LANCL2: variants seen among roughly 807,000 people sequenced by gnomAD.
The protein encoded by LANCL2 is LanC like glutathione S-transferase 2.
Under a neutral mutation model 56.9 loss-of-function variants are expected in LANCL2, and 33 were observed. The ratio of observed to expected loss-of-function variants is 0.58; its 90% CI spans 0.44 to 0.78. The LOEUF (loss-of-function observed/expected upper bound fraction) is 0.78, where lower values mean the gene tolerates loss of function less well. Ranked by LOEUF, LANCL2 falls within the 30% of genes least tolerant of loss-of-function variation. The pLI is 0.00. For synonymous variants in LANCL2, 233 were observed against 228.2 expected, an observed-to-expected ratio of 1.02 and a Z score of -0.19; for missense variants, 562 against 580.2, an observed-to-expected ratio of 0.97 and a Z score of 0.32.
At position 55,378,122 on chromosome 7, in the gene LANCL2, T is replaced by C. The variant is rs1790023806; in HGVS notation, c.204+11893T>C. Among the ~76,000 whole-genome samples the C allele has an allele frequency of 2.0e-5, 3 of 152,228 alleles. No individual in the cohort carries two copies. In the South Asian group the frequency reaches 6.2e-4, roughly 31 times the overall value. ...TAATTGAAATACGTAAAGCACTTAGTGCCAGGTACATAGTAAGTGCTCAGT... is the reference window on the plus strand; with the variant it reads ...TAATTGAAATACGTAAAGCACTTAGCGCCAGGTACATAGTAAGTGCTCAGT... On this transcript the variant is annotated intron_variant, in intron 1 of 8. Transcript: ENST00000254770.
chr7:55,392,059 G>A lies in LANCL2; in HGVS notation c.322+149G>A, dbSNP rs150787563. On this transcript the variant is annotated intron_variant, in intron 2 of 8. Coordinates refer to ENST00000254770, the MANE Select transcript of LANCL2 (RefSeq NM_018697.4). ...TGTAATCCCAGCACATTTGGAGGCC[G>A]AGGCAGGTGGATCACCTGAGCTTAG... is the stretch of plus-strand genomic sequence containing the variant. 7.8e-4 allele frequency: 369 copies of A among 474,836 alleles called. 1 individual carries two copies. The highest frequency in any genetic ancestry group is 5.2e-3 in the African/African-American group (272 of 51,956). 29.4% of individuals were successfully genotyped at this position (474,836 alleles called of 1,614,324 possible).
chr7:55,382,995 G>A (rs1423245770), intron 1 of LANCL2, among the ~76,000 whole-genome samples: 4 of 152,170 alleles, frequency 2.6e-5, no homozygotes, highest in Non-Finnish European at 5.9e-5. Context: ...GGTGGCTCAC[G>A]CCTGTAATCC....
chr7:55,375,652 TAAAATGAAGTCAG>T, intron 1 of LANCL2, among the ~76,000 whole-genome samples: 1 of 152,370 alleles, frequency 6.6e-6, no homozygotes, highest in South Asian at 2.1e-4. Flanking sequence ...TTATCATCTT[TAAAATGAAGTCAG>T]AAGTCCAGGT....
At chr7:55,421,430 C>T (rs1234931759) in intron 6 of LANCL2, among the ~76,000 whole-genome samples, 3 of 151,448 alleles carry the variant, frequency 2.0e-5, no homozygotes, top group Non-Finnish European at 4.4e-5. Context: ...CCTCCGCCTC[C>T]TGGGTTCAAG....
chr7:55,374,171 A>G (rs1789975616), intron 1 of LANCL2, among the ~76,000 whole-genome samples: 1 of 151,758 alleles, frequency 6.6e-6, no homozygotes, highest in Admixed American at 6.5e-5. Context: ...TTGTCACTTA[A>G]CAGTTTGTCC....
Position 55,366,137 on chromosome 7 carries a change from C to G in LANCL2, c.112C>G (p.Leu38Val), listed in dbSNP as rs1488491495. 10 of 1,548,684 alleles carry G rather than the reference C, an allele frequency of 6.5e-6. No homozygotes were observed. Among genetic ancestry groups the G allele is most frequent in the East Asian group, 2.4e-5 (1 of 41,020 alleles). The change falls in exon 1 of 9, where the codon CTG (leucine) becomes GTG (valine). Residue 38 changes from leucine (L) to valine (V), a missense_variant. Coordinates refer to ENST00000254770, the MANE Select transcript of LANCL2 (RefSeq NM_018697.4). ...FPDYEAAAGA[L>V]LASGAAEETG... ...GGACTACGAGGCCGCCGCCGGGGCG[C>G]TGCTCGCCTCCGGAGCGGCCGAAGA...
chr7:55,433,167 C>G lies in LANCL2; in HGVS notation c.*1847C>G, dbSNP rs1202589686. 6.6e-6 allele frequency: 1 copy of G among 152,344 alleles called. No individual in the cohort carries two copies. The highest frequency in any genetic ancestry group is 1.5e-5 in the Non-Finnish European group (1 of 68,096). The allele number at this position is 152,344 out of a possible 1,614,324, so 9.4% of individuals were successfully genotyped here. A position where few individuals can be genotyped will look rare whatever the true frequency, so the allele number is the denominator to read the frequency against. ...GGGCAGCCCCTCTCAGACGAGGAGG[C>G]AGCGGGTGCAGCCAGGTGTCTGCAG... On this transcript the variant is annotated 3_prime_UTR_variant, in exon 9 of 9. Coordinates refer to ENST00000254770, the MANE Select transcript of LANCL2 (RefSeq NM_018697.4).
At position 55,412,097 on chromosome 7, in the gene LANCL2, C is replaced by A; in HGVS notation, c.1008+8C>A. Reference sequence around the variant, plus strand: ...CTCATGCAGGCGTACAAGGTCAGTGCTTCCGCCGTCACGGCCGTCCCCTGT... The same window carrying A: ...CTCATGCAGGCGTACAAGGTCAGTGATTCCGCCGTCACGGCCGTCCCCTGT... On this transcript the variant is annotated splice_region_variant and intron_variant, in intron 6 of 8. Coordinates refer to ENST00000254770, the MANE Select transcript of LANCL2 (RefSeq NM_018697.4). 1 of 1,606,966 alleles carries A rather than the reference C, an allele frequency of 6.2e-7. No individual in the cohort carries two copies.
At chr7:55,399,854 G>T in intron 3 of LANCL2, 103 bp from the exon 4 acceptor site, 230 of 848,688 alleles carry the variant, frequency 2.7e-4, no homozygotes, top group Middle Eastern at 8.5e-4. Flanking sequence ...TGTTTTAAAT[G>T]TAAAATAAAT....
At chr7:55,371,275 G>A (rs942153513) in intron 1 of LANCL2, among the ~76,000 whole-genome samples, 1 of 152,034 alleles carries the variant, frequency 6.6e-6, no homozygotes, top group African/African-American at 2.4e-5. Context: ...GTCTCACTCT[G>A]TTGTAGGCTG....
At chr7:55,404,117 G>A (rs943470629) in intron 5 of LANCL2, among the ~76,000 whole-genome samples, 1 of 152,174 alleles carries the variant, frequency 6.6e-6, no homozygotes, top group Non-Finnish European at 1.5e-5. Flanking sequence ...CAGGCCAGTA[G>A]AGACCCCATA....
chr7:55,371,650 G>A (rs1789944733), intron 1 of LANCL2, among the ~76,000 whole-genome samples: 1 of 152,084 alleles, frequency 6.6e-6, no homozygotes, highest in Admixed American at 6.5e-5. Flanking sequence ...TCTTGTAGGA[G>A]TTTTATAGTT....
chr7:55,409,423 G>A (rs1414630878), intron 5 of LANCL2, among the ~76,000 whole-genome samples: 3 of 152,120 alleles, frequency 2.0e-5, no homozygotes, highest in Non-Finnish European at 4.4e-5. Context: ...GATTTCTAAC[G>A]TTGCATTCTG....
chr7:55,402,128 G>A (rs1211330209), intron 5 of LANCL2, among the ~76,000 whole-genome samples: 2 of 146,088 alleles, frequency 1.4e-5, no homozygotes, highest in Admixed American at 6.7e-5. Context: ...CCGGGCAGAG[G>A]CGCCCCTCAC....
chr7:55,412,262 T>G (rs1790479739), intron 6 of LANCL2, among the ~76,000 whole-genome samples, 173 bp downstream of exon 6: 1 of 152,228 alleles, frequency 6.6e-6, no homozygotes. Context: ...CTGTCATTAG[T>G]GCTGCAAGTC....
intron 3 of LANCL2, among the ~76,000 whole-genome samples, 169 bp from the exon 4 acceptor site, chr7:55,399,788 G>A (rs1790299862): frequency 6.6e-6 from 1 of 152,190 alleles, no homozygotes; most frequent in African/African-American, 2.4e-5. Context: ...AAGGGGACTA[G>A]TAAACTGGAG....
At position 55,383,447 on chromosome 7, in the gene LANCL2, C is replaced by A. The variant is rs571503367; in HGVS notation, c.205-8346C>A. 2.2e-4 allele frequency among the ~76,000 whole-genome samples: 34 copies of A among 152,262 alleles called. 1 individual carries two copies. The South Asian group carries it at 6.4e-3, about 29-fold the overall frequency. On this transcript the variant is annotated intron_variant, in intron 1 of 8. Transcript: ENST00000254770. ...CCCTCAAAGTAATTGGCCCTCCCAC[C>A]CTAGCCTTTTAATATGCAAATGTGG...
chr7:55,397,656 CTT>C (rs10659615), intron 2 of LANCL2, among the ~76,000 whole-genome samples: 125 of 108,836 alleles, frequency 1.1e-3, no homozygotes, highest in African/African-American at 3.7e-3. Flanking sequence ...TATACTGATT[CTT>C]TTTTTTTTTT....
At chr7:55,367,255 C>T (rs1157212301) in intron 1 of LANCL2, among the ~76,000 whole-genome samples, 1 of 152,160 alleles carries the variant, frequency 6.6e-6, no homozygotes, top group Non-Finnish European at 1.5e-5. Context: ...GTACCTTTAC[C>T]AGGTTTTCTT....
Sources: allele counts gnomAD v4.1 joint callset (sites outside exome capture counted in the v4.1 genomes callset), GRCh38; gene constraint gnomAD v4.1.1; transcripts MANE v1.5; gene names NCBI Gene and HGNC (gene_info 2026-07-23, HGNC 2026-07-21).